Variants in EPAS1 observed in about 807,000 individuals in gnomAD.
The protein encoded by EPAS1 is endothelial PAS domain-containing protein 1.
Under a neutral mutation model 87.9 loss-of-function variants are expected in EPAS1, and 23 were observed. The ratio of observed to expected loss-of-function variants is 0.26; its 90% CI spans 0.19 to 0.37. The LOEUF (loss-of-function observed/expected upper bound fraction) is 0.37, where lower values mean the gene tolerates loss of function less well. EPAS1 is among the 10% of genes least tolerant of loss of function. The probability of loss-of-function intolerance (pLI) is 1.00; values close to 1 mark genes in which losing one functional copy is unlikely to be tolerated. For missense variants in EPAS1, 1,138 were observed against 1,120.7 expected (o/e 1.02, Z -0.22); for synonymous variants, 508 against 444.3 (o/e 1.14, Z -1.80).
intron 7 of EPAS1, among the ~76,000 whole-genome samples, chr2:46,373,580 G>A (rs1226813929): frequency 3.3e-5 from 5 of 152,144 alleles, no homozygotes; most frequent in African/African-American, 1.2e-4. Flanking sequence ...AAGACAATTC[G>A]AATATATAGT....
chr2:46,314,206 G>A (rs540736244), intron 1 of EPAS1, among the ~76,000 whole-genome samples: 5 of 152,280 alleles, frequency 3.3e-5, no homozygotes, highest in African/African-American at 7.2e-5. Flanking sequence ...TGTTTACACC[G>A]GAGGAGTAGA....
At chr2:46,366,885 C>T (rs1263068556) in intron 6 of EPAS1, among the ~76,000 whole-genome samples, 13 of 152,244 alleles carry the variant, frequency 8.5e-5, no homozygotes, top group Non-Finnish European at 8.8e-5. Context: ...TTAACCTCCC[C>T]ACTGGCGTCT....
At chr2:46,298,189 G>A (rs776226316) in intron 1 of EPAS1, among the ~76,000 whole-genome samples, 4 of 152,212 alleles carry the variant, frequency 2.6e-5, no homozygotes, top group African/African-American at 7.2e-5. Flanking sequence ...GAGGCCGAGG[G>A]AGATGGCCTG....
chr2:46,331,727 C>T (rs899510877), intron 1 of EPAS1, among the ~76,000 whole-genome samples: 1 of 152,160 alleles, frequency 6.6e-6, no homozygotes, highest in Non-Finnish European at 1.5e-5. Context: ...CAACCGGCAC[C>T]GAAATTCAGA....
At chr2:46,344,231 G>C (rs1339287268) in intron 1 of EPAS1, among the ~76,000 whole-genome samples, 2 of 152,212 alleles carry the variant, frequency 1.3e-5, no homozygotes, top group African/African-American at 4.8e-5. Context: ...GCCATTGTCA[G>C]AGCATTGACT....
At chr2:46,310,638 A>T (rs1359527825) in intron 1 of EPAS1, among the ~76,000 whole-genome samples, 1 of 152,216 alleles carries the variant, frequency 6.6e-6, no homozygotes, top group Admixed American at 6.5e-5. Flanking sequence ...CTCCTCGAGC[A>T]GGTGTAACCT....
At chr2:46,324,707 G>A (rs1683520185) in intron 1 of EPAS1, among the ~76,000 whole-genome samples, 1 of 152,206 alleles carries the variant, frequency 6.6e-6, no homozygotes, top group Non-Finnish European at 1.5e-5. Context: ...AAGTTTTCAA[G>A]GCACATTATT....
In EPAS1 at chr2:46,356,137, C is replaced by CT. The variant is rs781736017; in HGVS notation, c.218-14_218-13insT. On this transcript the variant is annotated splice_polypyrimidine_tract_variant and intron_variant, in intron 2 of 15. Coordinates refer to ENST00000263734, the MANE Select transcript of EPAS1 (RefSeq NM_001430.5). The stretch of plus-strand genomic sequence containing the variant: ...CACATTCATGCAAGCTGTCCCACCC[C>CT]CCCCCCTTTCCAGTTTGCTCTGAAA... The CT allele has an allele frequency of 4.7e-6, 6 of 1,289,000 alleles. No individual in the cohort carries two copies. The highest frequency in any genetic ancestry group is 2.0e-5 in the Admixed American group (1 of 50,222). 79.8% of individuals were successfully genotyped at this position (1,289,000 alleles called of 1,614,324 possible).
Position 46,361,008 on chromosome 2 carries a change from T to A in EPAS1, c.697T>A (p.Ser233Thr), listed in dbSNP as rs1394985404. The change falls in exon 6 of 16, where the codon TCC becomes ACC. Residue 233 changes from serine to threonine, a missense_variant. Ser to Thr is a moderately conservative substitution (Grantham distance 58, BLOSUM62 1). Around this residue, in one of 4 missense-constraint regions of EPAS1, gnomAD observed 351 missense variants for 417.1 expected, o/e 0.84. Coordinates refer to ENST00000263734, the MANE Select transcript of EPAS1 (RefSeq NM_001430.5). ...CATGTGTGAACCAATCCAGCACCCA[T>A]CCCACATGGACATCCCCCTGGATAG... Reference protein sequence around the residue: ...IIMCEPIQHPSHMDIPLDSKT... With the variant: ...IIMCEPIQHPTHMDIPLDSKT... 1 of 1,614,046 alleles carries A rather than the reference T, an allele frequency of 6.2e-7. No individual in the cohort carries two copies. The highest frequency in any genetic ancestry group is 8.5e-7 in the Non-Finnish European group (1 of 1,180,006).
chr2:46,384,624 A>T lies in EPAS1; in HGVS notation c.2577A>T (p.Gly859=). ...TGGGAAGCTCCACGCTCCTGCAAGG[A>T]GGGGACCTCCTCAGAGCCCTGGACC... is the stretch of plus-strand genomic sequence containing the variant. ...PVLGSSTLLQ[G]GDLLRALDQA... The change falls in exon 16 of 16, where the codon GGA becomes GGT. Residue 859 remains glycine, a synonymous_variant. Coordinates refer to ENST00000263734, the MANE Select transcript of EPAS1 (RefSeq NM_001430.5). The T allele has an allele frequency of 6.2e-7, 1 of 1,614,062 alleles. No individual in the cohort carries two copies. Among genetic ancestry groups the T allele is most frequent in the Non-Finnish European group, 8.5e-7 (1 of 1,180,044 alleles).
At chr2:46,330,240 C>G (rs1327224161) in intron 1 of EPAS1, among the ~76,000 whole-genome samples, 2 of 152,198 alleles carry the variant, frequency 1.3e-5, no homozygotes, top group Non-Finnish European at 2.9e-5. Flanking sequence ...ACCCCCATTC[C>G]CACAGAGATC....
chr2:46,297,722 A>T lies in EPAS1; in HGVS notation c.-190A>T. On this transcript the variant is annotated 5_prime_UTR_variant, in exon 1 of 16. Coordinates refer to ENST00000263734, the MANE Select transcript of EPAS1 (RefSeq NM_001430.5). The stretch of plus-strand genomic sequence containing the variant: ...AGGTTCCTCCCAGTCACCTTTCTCC[A>T]CCCCCGCCCCCGCACCTAGCCCGCC... 1 of 637,282 alleles carries T rather than the reference A, an allele frequency of 1.6e-6. No homozygotes were observed. The highest frequency in any genetic ancestry group is 2.6e-6 in the Non-Finnish European group (1 of 378,000). The allele number at this position is 637,282 out of a possible 1,614,324, so 39.5% of individuals were successfully genotyped here. A position where few individuals can be genotyped will look rare whatever the true frequency, so the allele number is the denominator to read the frequency against.
intron 1 of EPAS1, among the ~76,000 whole-genome samples, chr2:46,335,402 CA>C (rs1461622984): frequency 8.8e-6 from 1 of 113,164 alleles, no homozygotes; most frequent in Non-Finnish European, 1.7e-5. Context: ...CCCCGCCCCC[CA>C]CCCGCCTTTT....
chr2:46,384,181 T>C (rs1363288043), intron 15 of EPAS1, among the ~76,000 whole-genome samples: 1 of 152,208 alleles, frequency 6.6e-6, no homozygotes, highest in Admixed American at 6.5e-5. Context: ...TATGTGAGCA[T>C]AGGTGCCAGG....
chr2:46,354,565 G>T (rs1684232992), intron 2 of EPAS1, among the ~76,000 whole-genome samples: 1 of 150,428 alleles, frequency 6.6e-6, no homozygotes, highest in Non-Finnish European at 1.5e-5. Context: ...TACTAGATAG[G>T]GCAGGATACT....
intron 1 of EPAS1, among the ~76,000 whole-genome samples, chr2:46,328,976 C>T (rs1201716705): frequency 1.3e-5 from 2 of 152,196 alleles, no homozygotes; most frequent in Non-Finnish European, 2.9e-5. Context: ...TCAAACTTTG[C>T]ATCCTCAAAA....
chr2:46,311,117 T>A (rs1572614574), intron 1 of EPAS1, among the ~76,000 whole-genome samples: 1 of 152,160 alleles, frequency 6.6e-6, no homozygotes, highest in Non-Finnish European at 1.5e-5. Context: ...TGACCTGTGA[T>A]CCACCCGCCT....
chr2:46,383,225 G>T (rs1334796030), intron 15 of EPAS1, among the ~76,000 whole-genome samples: 3 of 152,170 alleles, frequency 2.0e-5, no homozygotes, highest in African/African-American at 4.8e-5. Context: ...GTGTTTTGGG[G>T]TGTCACTCTG....
chr2:46,326,204 G>T (rs988388408), intron 1 of EPAS1, among the ~76,000 whole-genome samples: 2 of 152,124 alleles, frequency 1.3e-5, no homozygotes, highest in Non-Finnish European at 2.9e-5. Flanking sequence ...CCACCAGCAG[G>T]GAACCAACTT....
Sources: gnomAD v4.1 joint callset for allele counts (sites outside exome capture counted in the v4.1 genomes callset) on GRCh38, gnomAD v4.1.1 for gene constraint, gnomAD v4.1.1 regional missense constraint, MANE v1.5 for transcripts, NCBI Gene and HGNC (gene_info 2026-07-23, HGNC 2026-07-21) for gene names.